The following GALK2 variants were observed in gnomAD, a reference collection of about 807,000 sequenced individuals.
The protein encoded by GALK2 is galactokinase 2.
In GALK2, 36 loss-of-function variants were observed where a neutral mutation model predicts 52.4. The observed-to-expected ratio is 0.69, with a 90% CI of 0.53 to 0.91. The LOEUF (loss-of-function observed/expected upper bound fraction) is 0.91. Ranked by LOEUF, GALK2 falls within the 40% of genes least tolerant of loss-of-function variation. The pLI, the probability that GALK2 is intolerant of heterozygous loss-of-function variation, is 0.00. For missense variants in GALK2, 579 were observed against 559.1 expected, an observed-to-expected ratio of 1.04 and a Z score of -0.36; for synonymous variants, 176 against 199.1, an observed-to-expected ratio of 0.88 and a Z score of 0.98.
At chr15:49,303,319 A>G (rs2035271934) in intron 8 of GALK2, among the ~76,000 whole-genome samples, 1 of 152,226 alleles carries the variant, frequency 6.6e-6, no homozygotes, top group Admixed American at 6.5e-5. Flanking sequence ...GCACGGCATC[A>G]TAAAACTTGC....
intron 3 of GALK2, 57 bp from the exon 4 acceptor site, chr15:49,235,794 G>T: frequency 9.0e-7 from 1 of 1,113,262 alleles, no homozygotes; most frequent in South Asian, 1.2e-5. Context: ...GTCATCCATT[G>T]ATTTTGCAGC....
chr15:49,354,884 T>G (rs2042859481), intron 3 of GALK2, among the ~76,000 whole-genome samples: 1 of 152,142 alleles, frequency 6.6e-6, no homozygotes, highest in South Asian at 2.1e-4. Flanking sequence ...AGCATGCAGC[T>G]GGAGATCTGA....
At chr15:49,157,330 T>C (rs2141142335) in intron 1 of GALK2, among the ~76,000 whole-genome samples, 1 of 152,302 alleles carries the variant, frequency 6.6e-6, no homozygotes, top group Admixed American at 6.5e-5. Flanking sequence ...ACTAACAGTA[T>C]TTCCCAAATA....
intron 7 of GALK2, among the ~76,000 whole-genome samples, chr15:49,288,381 G>A (rs1438805073): frequency 1.3e-5 from 2 of 152,152 alleles, no homozygotes; most frequent in East Asian, 1.9e-4. Context: ...ACACTTCAAG[G>A]AAAATTTACA....
chr15:49,324,932 T>C (rs187197954), intron 9 of GALK2, among the ~76,000 whole-genome samples: 1 of 152,290 alleles, frequency 6.6e-6, no homozygotes, highest in East Asian at 1.9e-4. Flanking sequence ...ATTTGTATAA[T>C]ATATATTTAC....
intron 2 of GALK2, among the ~76,000 whole-genome samples, chr15:49,203,180 A>G (rs1327403772): frequency 6.6e-6 from 1 of 152,090 alleles, no homozygotes; most frequent in Non-Finnish European, 1.5e-5. Context: ...CCTCCCGAGT[A>G]GCTGGGACTA....
chr15:49,263,919 G>A (rs1259340594), intron 5 of GALK2, among the ~76,000 whole-genome samples: 1 of 151,814 alleles, frequency 6.6e-6, no homozygotes, highest in South Asian at 2.1e-4. Flanking sequence ...CTGGCTTGTA[G>A]GGTTTCTGCC....
chr15:49,328,430 A>T lies in GALK2; in HGVS notation c.*271A>T. The T allele has an allele frequency of 2.8e-6, 4 of 1,444,832 alleles. No individual in the cohort carries two copies. Among genetic ancestry groups the T allele is most frequent in the Non-Finnish European group, 3.6e-6 (4 of 1,100,576 alleles). 89.5% of individuals were successfully genotyped at this position (1,444,832 alleles called of 1,614,324 possible). On this transcript the variant is annotated 3_prime_UTR_variant, in exon 10 of 10. Coordinates refer to ENST00000560031, the MANE Select transcript of GALK2 (RefSeq NM_002044.4). ...CTTACTGAGATTTATTGATTTGAAGATTTTAAAGATGAATGGTAAAACACA... is the reference window on the plus strand; with the variant it reads ...CTTACTGAGATTTATTGATTTGAAGTTTTTAAAGATGAATGGTAAAACACA...
chr15:49,308,497 G>T (rs1276405034), intron 8 of GALK2, among the ~76,000 whole-genome samples: 2 of 152,212 alleles, frequency 1.3e-5, no homozygotes, highest in Non-Finnish European at 2.9e-5. Flanking sequence ...ATTATCCTGA[G>T]ATAGTCTTCA....
intron 3 of GALK2, among the ~76,000 whole-genome samples, chr15:49,226,976 G>T (rs1413198208): frequency 1.3e-5 from 2 of 152,112 alleles, no homozygotes; most frequent in South Asian, 2.1e-4. Flanking sequence ...TTATTCTGTT[G>T]TATCTAAGAA....
intron 4 of GALK2, among the ~76,000 whole-genome samples, chr15:49,236,312 T>C (rs1211741862): frequency 6.6e-6 from 1 of 152,212 alleles, no homozygotes; most frequent in African/African-American, 2.4e-5. Context: ...GGTTTGAATC[T>C]GGGCTCTTCT....
intron 5 of GALK2, among the ~76,000 whole-genome samples, chr15:49,242,998 A>G (rs1317952871): frequency 6.6e-6 from 1 of 152,218 alleles, no homozygotes; most frequent in African/African-American, 2.4e-5. Flanking sequence ...GGATAGAGGA[A>G]TGTTACATGA....
At position 49,268,809 on chromosome 15, in the gene GALK2, A is replaced by G. The variant is rs189532344; in HGVS notation, c.505-13178A>G. On this transcript the variant is annotated intron_variant, in intron 5 of 9. Transcript: ENST00000560031. ...TATTTTCTAGCAAATTACCTTACCAATTGGGTACATCTCCTGGTCTAGGTT... is the reference window on the plus strand; with the variant it reads ...TATTTTCTAGCAAATTACCTTACCAGTTGGGTACATCTCCTGGTCTAGGTT... 4.6e-5 allele frequency among the ~76,000 whole-genome samples: 7 copies of G among 152,272 alleles called. No homozygotes were observed. In the East Asian group the frequency reaches 5.8e-4, roughly 13 times the overall value.
At chr15:49,238,553 G>T (rs990137140) in intron 4 of GALK2, among the ~76,000 whole-genome samples, 9 of 152,164 alleles carry the variant, frequency 5.9e-5, no homozygotes, top group African/African-American at 2.2e-4. Flanking sequence ...CGGTTTGCTG[G>T]CTCAGGTTTC....
intron 1 of GALK2, among the ~76,000 whole-genome samples, chr15:49,186,383 C>A (rs1224401570): frequency 6.6e-6 from 1 of 152,006 alleles, no homozygotes; most frequent in Non-Finnish European, 1.5e-5. Flanking sequence ...TCTACTTGAT[C>A]AATTCTGCTA....
At chr15:49,281,828 T>C (rs549772715) in intron 5 of GALK2, among the ~76,000 whole-genome samples, 159 bp from the exon 6 acceptor site, 1 of 152,348 alleles carries the variant, frequency 6.6e-6, no homozygotes, top group East Asian at 1.9e-4. Flanking sequence ...TATTTTCCTA[T>C]AGTCTGGAGC....
At chr15:49,261,930 G>T (rs1008425217) in intron 5 of GALK2, among the ~76,000 whole-genome samples, 22 of 152,254 alleles carry the variant, frequency 1.4e-4, no homozygotes, top group African/African-American at 4.8e-4. Flanking sequence ...ACTTGATCAT[G>T]GTGGGTAAGC....
intron 5 of GALK2, among the ~76,000 whole-genome samples, chr15:49,252,071 C>A (rs924405254): frequency 6.6e-6 from 1 of 151,922 alleles, no homozygotes; most frequent in Non-Finnish European, 1.5e-5. Flanking sequence ...TTTGAGACCA[C>A]CCTGGCCAAC....
chr15:49,341,906 A>C (rs1337119777), intron 3 of GALK2, among the ~76,000 whole-genome samples: 1 of 152,102 alleles, frequency 6.6e-6, no homozygotes, highest in African/African-American at 2.4e-5. Context: ...ATGGTTGATA[A>C]GAGTTTGGTT....
Sources: allele counts gnomAD v4.1 joint callset (sites outside exome capture counted in the v4.1 genomes callset), GRCh38; gene constraint gnomAD v4.1.1; transcripts MANE v1.5; gene names NCBI Gene and HGNC (gene_info 2026-07-23, HGNC 2026-07-21).